PLD5: variants seen among roughly 807,000 people sequenced by gnomAD.
The protein encoded by PLD5 is phospholipase D family member 5, also known as inactive phospholipase D5.
A neutral mutation model predicts 61.1 loss-of-function variants in PLD5; 36 were observed. The ratio of observed to expected loss-of-function variants is 0.59; its 90% confidence interval spans 0.45 to 0.78. The LOEUF is 0.78. PLD5 is among the 30% of genes least tolerant of loss of function. The pLI, the probability that PLD5 is intolerant of heterozygous loss-of-function variation, is 0.00. For missense variants in PLD5, 515 were observed against 644.4 expected, an observed-to-expected ratio of 0.80 and a Z score of 2.17; for synonymous variants, 243 against 242.8, an observed-to-expected ratio of 1.00 and a Z score of -0.01.
chr1:242,277,462 C>A, intron 3 of PLD5, among the ~76,000 whole-genome samples: 1 of 43,528 alleles, frequency 2.3e-5, no homozygotes, highest in African/African-American at 5.2e-5. Context: ...TGATCTTGAG[C>A]AAATGGACAG....
intron 4 of PLD5, among the ~76,000 whole-genome samples, chr1:242,221,947 C>T (rs1359735327): frequency 1.3e-5 from 2 of 152,114 alleles, no homozygotes; most frequent in Non-Finnish European, 2.9e-5. Flanking sequence ...AGAAACTTAT[C>T]CTCCGTTCTG....
chr1:242,429,591 C>T (rs1044806636), intron 1 of PLD5, among the ~76,000 whole-genome samples: 1 of 152,112 alleles, frequency 6.6e-6, no homozygotes, highest in Non-Finnish European at 1.5e-5. Context: ...TGCAGCTATC[C>T]ATAACAACCC....
intron 4 of PLD5, among the ~76,000 whole-genome samples, chr1:242,224,297 A>G (rs1032812337): frequency 2.0e-5 from 3 of 152,168 alleles, no homozygotes; most frequent in African/African-American, 7.2e-5. Context: ...AAATTTGACA[A>G]ATTTTTATAG....
At chr1:242,169,371 A>G (rs1202055363) in intron 5 of PLD5, among the ~76,000 whole-genome samples, 2 of 152,232 alleles carry the variant, frequency 1.3e-5, no homozygotes, top group East Asian at 3.9e-4. Context: ...AAGGGAAGCC[A>G]TGAGGGACTG....
intron 5 of PLD5, among the ~76,000 whole-genome samples, chr1:242,197,226 C>T (rs1404455932): frequency 6.6e-6 from 1 of 152,186 alleles, no homozygotes; most frequent in Non-Finnish European, 1.5e-5. Context: ...AGTTCAAGAA[C>T]TCACCCTCAC....
intron 3 of PLD5, among the ~76,000 whole-genome samples, chr1:242,266,161 A>G (rs975724779): frequency 2.0e-5 from 3 of 152,264 alleles, no homozygotes; most frequent in Admixed American, 2.0e-4. Flanking sequence ...GGATCACTTG[A>G]GGCCAAGAGT....
chr1:242,494,113 C>G (rs1312776067), intron 1 of PLD5, among the ~76,000 whole-genome samples: 8 of 133,960 alleles, frequency 6.0e-5, no homozygotes, highest in African/African-American at 2.3e-4. Context: ...CCCCTCTCCT[C>G]CCCTCTCCTC....
At chr1:242,202,423 C>T (rs911667977) in intron 5 of PLD5, among the ~76,000 whole-genome samples, 17 of 152,096 alleles carry the variant, frequency 1.1e-4, no homozygotes, top group African/African-American at 3.6e-4. Context: ...GATGAAGAAA[C>T]CACAGCTACT....
At chr1:242,092,593 T>TTA (rs1659919724) in intron 9 of PLD5, among the ~76,000 whole-genome samples, 1 of 152,064 alleles carries the variant, frequency 6.6e-6, no homozygotes, top group African/African-American at 2.4e-5. Context: ...CTGGCAGGCT[T>TTA]TAGGTGGAGA....
At chr1:242,156,260 G>A (rs1450702065) in intron 5 of PLD5, among the ~76,000 whole-genome samples, 1 of 152,124 alleles carries the variant, frequency 6.6e-6, no homozygotes, top group African/African-American at 2.4e-5. Context: ...TATGTGAGAT[G>A]GGTCTCCTGA....
Position 242,264,583 on chromosome 1 carries a change from G to A in PLD5, c.607+754C>T, listed in dbSNP as rs71498857. Among the ~76,000 whole-genome samples the A allele has an allele frequency of 4.4e-3, 668 of 152,240 alleles. 4 individuals are homozygous for A. Among genetic ancestry groups the A allele is most frequent in the African/African-American group, 0.015 (619 of 41,550 alleles). On this transcript the variant is annotated intron_variant, in intron 4 of 9. Coordinates refer to ENST00000536534, the MANE Select transcript of PLD5 (RefSeq NM_001372062.1). ...AAACAGCACAAACATGAGCTGTAAC[G>A]CCATCAGGTGGAACATGAATGACTC...
intron 4 of PLD5, among the ~76,000 whole-genome samples, chr1:242,245,267 A>G (rs1374128478): frequency 1.3e-5 from 2 of 152,252 alleles, no homozygotes; most frequent in Admixed American, 1.3e-4. Context: ...TCTTTCAATA[A>G]TGCCTTCCCA....
chr1:242,426,453 C>T (rs966071571), intron 1 of PLD5, among the ~76,000 whole-genome samples: 3 of 152,218 alleles, frequency 2.0e-5, no homozygotes, highest in Admixed American at 6.5e-5. Context: ...GGGCATGGGC[C>T]ATGCTTTTGT....
At chr1:242,314,601 CTCTTTTCT>C (rs1676896801) in intron 2 of PLD5, among the ~76,000 whole-genome samples, 1 of 152,174 alleles carries the variant, frequency 6.6e-6, no homozygotes, top group African/African-American at 2.4e-5. Flanking sequence ...TCCCTTCTTT[CTCTTTTCT>C]TCTTTTCCCT....
At chr1:242,468,880 A>G (rs2102946368) in intron 1 of PLD5, among the ~76,000 whole-genome samples, 2 of 152,306 alleles carry the variant, frequency 1.3e-5, no homozygotes, top group South Asian at 4.1e-4. Context: ...GACTCACAAC[A>G]ACCCTATAAG....
At chr1:242,305,418 T>C (rs1356375940) in intron 2 of PLD5, among the ~76,000 whole-genome samples, 3 of 152,252 alleles carry the variant, frequency 2.0e-5, no homozygotes, top group Admixed American at 2.0e-4. Flanking sequence ...TAACTTTCTA[T>C]GTTTGAATCT....
intron 1 of PLD5, among the ~76,000 whole-genome samples, chr1:242,386,602 A>T (rs1662614979): frequency 6.6e-6 from 1 of 152,160 alleles, no homozygotes; most frequent in Non-Finnish European, 1.5e-5. Context: ...AATACAAAGC[A>T]CTCAACAACA....
chr1:242,151,740 C>G (rs1354204353), intron 5 of PLD5, among the ~76,000 whole-genome samples: 2 of 152,096 alleles, frequency 1.3e-5, no homozygotes, highest in African/African-American at 2.4e-5. Flanking sequence ...TCAGACATTT[C>G]TTCTCAGTTA....
intron 1 of PLD5, among the ~76,000 whole-genome samples, chr1:242,467,528 C>G (rs957250761): frequency 6.6e-6 from 1 of 152,192 alleles, no homozygotes; most frequent in African/African-American, 2.4e-5. Flanking sequence ...GTAGCAATCT[C>G]GTTTCTTGAC....
Sources: allele counts gnomAD v4.1 joint callset (sites outside exome capture counted in the v4.1 genomes callset), GRCh38; gene constraint gnomAD v4.1.1; transcripts MANE v1.5; gene names NCBI Gene and HGNC (gene_info 2026-07-23, HGNC 2026-07-21).